The following NOTCH3 variants were observed in gnomAD, a reference collection of about 807,000 sequenced individuals.
NOTCH3 encodes notch receptor 3, also known as neurogenic locus notch homolog protein 3.
Under a neutral mutation model 213.3 loss-of-function variants are expected in NOTCH3, and 86 were observed. The ratio of observed to expected loss-of-function variants is 0.40; its 90% CI spans 0.34 to 0.48. The LOEUF (loss-of-function observed/expected upper bound fraction) is 0.48, where lower values mean the gene tolerates loss of function less well. Ranked by LOEUF, NOTCH3 falls within the 20% of genes least tolerant of loss-of-function variation. The pLI is 0.57. For missense variants in NOTCH3, 2,783 were observed against 3,272.6 expected (o/e 0.85, Z 3.65); for synonymous variants, 1,354 against 1,355.9 (o/e 1.00, Z 0.03).
intron 2 of NOTCH3, among the ~76,000 whole-genome samples, chr19:15,196,805 C>G (rs981922968): frequency 6.6e-6 from 1 of 152,142 alleles, no homozygotes; most frequent in African/African-American, 2.4e-5. Context: ...GCTCAAAAAG[C>G]TTGAATGCTC....
intron 1 of NOTCH3, among the ~76,000 whole-genome samples, chr19:15,200,031 G>A (rs1392741425): frequency 5.3e-5 from 7 of 131,166 alleles, no homozygotes; most frequent in African/African-American, 8.8e-5. Context: ...GAGCGGGGGA[G>A]GGGAGGGAGG....
In NOTCH3 at chr19:15,165,252, T is replaced by C; in HGVS notation, c.5815+116A>G. On this transcript the variant is annotated intron_variant, in intron 31 of 32. Coordinates refer to ENST00000263388, the MANE Select transcript of NOTCH3 (RefSeq NM_000435.3). The surrounding 1 kb of genome is among the most constrained non-coding windows in gnomAD (Gnocchi z 4.7). ...CTGCAGGCTTCATGAAGCCTGGTTA[T>C]GTGTGCGTGAGCTTCAGTGATTGGG... The C allele has an allele frequency of 1.8e-6, 2 of 1,085,124 alleles. No individual in the cohort carries two copies. The highest frequency in any genetic ancestry group is 2.5e-5 in the South Asian group (2 of 79,420). The allele number at this position is 1,085,124 out of a possible 1,614,324, so 67.2% of individuals were successfully genotyped here.
Position 15,178,031 on chromosome 19 carries a change from C to A in NOTCH3, c.3897G>T (p.Pro1299=). 1 of 1,507,688 alleles carries A rather than the reference C, an allele frequency of 6.6e-7. No homozygotes were observed. Among genetic ancestry groups the A allele is most frequent in the African/African-American group, 1.4e-5 (1 of 70,230 alleles). The allele number at this position is 1,507,688 out of a possible 1,614,324, so 93.4% of individuals were successfully genotyped here. ...VARSCRELQC[P]VGVPCQQTPR... ...GCGTCTGCTGGCATGGGACGCCCAC[C>A]GGGCACTGCAGCTCCCGGCAGGAGC... Residue 1299 remains proline (P), a synonymous_variant, in exon 24 of 33, where the codon CCG becomes CCT. Coordinates refer to ENST00000263388, the MANE Select transcript of NOTCH3 (RefSeq NM_000435.3).
chr19:15,188,166 G>T (rs1201912118), intron 9 of NOTCH3, 69 bp downstream of exon 9: 3 of 1,233,550 alleles, frequency 2.4e-6, no homozygotes, highest in Non-Finnish European at 3.5e-6. Context: ...GGTTTTACAG[G>T]TTCCCACCCT....
rs755851836 is a variant in NOTCH3, at chr19:15,165,902, CG to C, written c.5551del (p.Arg1851ValfsTer60). 1.2e-6 allele frequency: 2 copies of C among 1,614,136 alleles called. No individual in the cohort carries two copies. The highest frequency in any genetic ancestry group is 2.2e-5 in the South Asian group (2 of 91,084). ...CAGCAGCCGCTTGGCTGCATCAGCA[CG>C]GGCATAACGGGCAGCCAGGTGCAAA... Reference protein sequence around the residue: ...TALHLAARYARADAAKRLLDA... With the variant: ...TALHLAARYAXADAAKRLLDA... On this transcript the variant is annotated frameshift_variant, in exon 30 of 33. Transcript: ENST00000263388. LOFTEE classifies it high-confidence loss of function. This position sits in a 1 kb window ranked among gnomAD's most constrained non-coding sequence, Gnocchi z 4.7.
intron 2 of NOTCH3, among the ~76,000 whole-genome samples, chr19:15,196,105 G>A (rs781666871): frequency 2.1e-4 from 32 of 152,204 alleles, no homozygotes; most frequent in Non-Finnish European, 3.8e-4. Context: ...GTGGGGGGTG[G>A]AGGGCGTGTA....
chr19:15,171,178 A>C (rs138649615), intron 25 of NOTCH3, among the ~76,000 whole-genome samples: 2,614 of 152,192 alleles, frequency 0.017, 39 homozygotes, highest in African/African-American at 0.044. Context: ...GGCGTGTGCC[A>C]CCATGCCCAG....
At position 15,175,556 on chromosome 19, in the gene NOTCH3, C is replaced by CATATATATAT. The variant is rs71168593; in HGVS notation, c.4404-1166_4404-1157dup. On this transcript the variant is annotated intron_variant, in intron 24 of 32. Coordinates refer to ENST00000263388, the MANE Select transcript of NOTCH3 (RefSeq NM_000435.3). ...TCTAAAAAAAAAAAAAAAAAAAATA[C>CATATATATAT]ATATATATATATATATATGTATATA... is the stretch of plus-strand genomic sequence containing the variant. Among the ~76,000 whole-genome samples, 334 of 90,202 alleles carry CATATATATAT rather than the reference C, an allele frequency of 3.7e-3. 1 individual carries two copies. The highest frequency in any genetic ancestry group is 0.024 in the East Asian group (73 of 3,004). 59.2% of individuals were successfully genotyped at this position (90,202 alleles called of 152,430 possible).
Position 15,170,771 on chromosome 19 carries a change from A to G in NOTCH3, c.4791T>C (p.Asn1597=). The change falls in exon 26 of 33, where the codon AAT becomes AAC. Residue 1597 remains asparagine, a synonymous_variant. Transcript: ENST00000263388. ...DNRLCLQSPE[N]DHCFPDAQSA... ...TCTGGGCATCGGGGAAGCAGTGATC[A>G]TTCTCAGGCGACTGCAGGCAGAGCC... 1 of 1,613,032 alleles carries G rather than the reference A, an allele frequency of 6.2e-7. No individual in the cohort carries two copies. The highest frequency in any genetic ancestry group is 8.5e-7 in the Non-Finnish European group (1 of 1,179,784).
intron 28 of NOTCH3, among the ~76,000 whole-genome samples, chr19:15,169,126 G>A (rs2046708604): frequency 6.6e-6 from 1 of 151,928 alleles, no homozygotes; most frequent in Non-Finnish European, 1.5e-5. Flanking sequence ...GGTTATAAAT[G>A]TGGGACCCTA....
chr19:15,164,554 T>TAAAAAAA (rs1568347033), intron 31 of NOTCH3, among the ~76,000 whole-genome samples: 5 of 119,434 alleles, frequency 4.2e-5, no homozygotes, highest in African/African-American at 6.6e-5. Flanking sequence ...AAAAAAAAAT[T>TAAAAAAA]AAAAAAAGGG....
intron 25 of NOTCH3, among the ~76,000 whole-genome samples, chr19:15,173,272 A>C (rs1332219232): frequency 1.3e-5 from 2 of 149,764 alleles, no homozygotes; most frequent in Non-Finnish European, 3.0e-5. Context: ...AATACAAAAA[A>C]TTAGCCAGGC....
In NOTCH3 at chr19:15,161,598, G is replaced by A. The variant is rs767028544; in HGVS notation, c.6030C>T (p.Asp2010=). Residue 2010 remains aspartate, a synonymous_variant, in exon 33 of 33, where the codon GAC becomes GAT. Transcript: ENST00000263388. ...CCTGGTGCAGTCTCTCCTGGGCTACGTCCCGCGGCAGCCTGTCCAGGTGGT... is the reference window on the plus strand; with the variant it reads ...CCTGGTGCAGTCTCTCCTGGGCTACATCCCGCGGCAGCCTGTCCAGGTGGT... The part of the protein sequence containing the change: ...ITDHLDRLPR[D]VAQERLHQDI... The A allele has an allele frequency of 9.3e-6, 15 of 1,612,222 alleles. No individual in the cohort carries two copies. The highest frequency in any genetic ancestry group is 5.5e-5 in the South Asian group (5 of 90,626).
At chr19:15,180,356 C>G in intron 19 of NOTCH3, 100 bp from the exon 20 acceptor site, 1 of 1,322,448 alleles carries the variant, frequency 7.6e-7, no homozygotes, top group Non-Finnish European at 1.1e-6. Flanking sequence ...GAATGAGTCC[C>G]CAGGATCGCA....
intron 1 of NOTCH3, among the ~76,000 whole-genome samples, chr19:15,199,034 G>A (rs996740438): frequency 6.6e-6 from 1 of 152,186 alleles, no homozygotes; most frequent in African/African-American, 2.4e-5. Context: ...AGGACAAGCC[G>A]ACTGGACACC....
intron 2 of NOTCH3, among the ~76,000 whole-genome samples, chr19:15,196,492 C>T (rs1363021486): frequency 6.6e-6 from 1 of 152,160 alleles, no homozygotes; most frequent in Non-Finnish European, 1.5e-5. Flanking sequence ...AAAATCACCC[C>T]AGACCCACCC....
At position 15,185,113 on chromosome 19, in the gene NOTCH3, T is replaced by C; in HGVS notation, c.2297-94A>G. On this transcript the variant is annotated intron_variant, in intron 14 of 32. Transcript: ENST00000263388. The surrounding 1 kb of genome is among the most constrained non-coding windows in gnomAD (Gnocchi z 4.2). ...CTCCCCCAACCCCAGGGTCCCCACC[T>C]TGATACCCACCTCCCAAGCTCCTGG... is the stretch of plus-strand genomic sequence containing the variant. The C allele has an allele frequency of 8.8e-7, 1 of 1,133,574 alleles. No individual in the cohort carries two copies. The highest frequency in any genetic ancestry group is 1.3e-6 in the Non-Finnish European group (1 of 788,198). 70.2% of individuals were successfully genotyped at this position (1,133,574 alleles called of 1,614,324 possible). A position where few individuals can be genotyped will look rare whatever the true frequency, so the allele number is the denominator to read the frequency against.
chr19:15,197,441 G>GCGGCGCCCCCCCCCCCC, intron 2 of NOTCH3, 59 bp downstream of exon 2: 1 of 768,364 alleles, frequency 1.3e-6, no homozygotes, highest in Non-Finnish European at 2.3e-6. Context: ...AAGACAAATC[G>GCGGCGCCCCCCCCCCCC]CCCCTCCCCC....
rs1599379743 is a variant in NOTCH3 at position 15,178,790 on chromosome 19, A to G, written c.3837+33T>C. On this transcript the variant is annotated intron_variant, in intron 23 of 32. Transcript: ENST00000263388. ...CTACTACTCCAGAGGCCACGCCCCT[A>G]CTCCTCCTCCAAAGGCCGCCACCCA... 4 of 1,481,924 alleles carry G rather than the reference A, an allele frequency of 2.7e-6. No homozygotes were observed. The East Asian group carries it at 9.5e-5, about 35-fold the overall frequency. 91.8% of individuals were successfully genotyped at this position (1,481,924 alleles called of 1,614,324 possible).
Sources: allele counts gnomAD v4.1 joint callset (sites outside exome capture counted in the v4.1 genomes callset), GRCh38; gene constraint gnomAD v4.1.1; non-coding constraint Gnocchi (gnomAD v3.1); transcripts MANE v1.5; gene names NCBI Gene and HGNC (gene_info 2026-07-23, HGNC 2026-07-21).